TBXAS1: variants seen among roughly 807,000 people sequenced by gnomAD.
TBXAS1 encodes thromboxane A synthase 1.
A neutral mutation model predicts 60.7 loss-of-function variants in TBXAS1; 48 were observed. That is an observed-to-expected ratio of 0.79 (90% CI 0.63 to 1.01). TBXAS1 has a LOEUF of 1.01. Among genes scored for constraint, TBXAS1 ranks in the 50% least tolerant of loss-of-function variants. The probability of loss-of-function intolerance (pLI) is 0.00; values close to 1 mark genes in which losing one functional copy is unlikely to be tolerated. For missense variants in TBXAS1, 685 were observed against 686.3 expected, an observed-to-expected ratio of 1.00 and a Z score of 0.02; for synonymous variants, 287 against 269.7, an observed-to-expected ratio of 1.06 and a Z score of -0.63.
At chr7:139,936,427 C>A in intron 5 of TBXAS1, 120 bp downstream of exon 5, 1 of 981,742 alleles carries the variant, frequency 1.0e-6, no homozygotes, top group Non-Finnish European at 1.6e-6. Context: ...AATGCCTTTC[C>A]CACTGGGACC....
chr7:139,949,204 A>G (rs901733126), intron 5 of TBXAS1, among the ~76,000 whole-genome samples: 2 of 152,176 alleles, frequency 1.3e-5, no homozygotes, highest in African/African-American at 4.8e-5. Context: ...CTTTATACAC[A>G]GGGCATGCCT....
At chr7:139,984,326 T>C (rs183528576) in intron 9 of TBXAS1, among the ~76,000 whole-genome samples, 2 of 152,304 alleles carry the variant, frequency 1.3e-5, no homozygotes, top group East Asian at 3.9e-4. Flanking sequence ...TATTCCTTTT[T>C]TACAGAGCCA....
Position 139,875,608 on chromosome 7 carries a change from G to A in TBXAS1, c.207G>A (p.Glu69=). The A allele has an allele frequency of 6.2e-7, 1 of 1,614,208 alleles. No individual in the cohort carries two copies. Among genetic ancestry groups the A allele is most frequent in the Non-Finnish European group, 8.5e-7 (1 of 1,180,046 alleles). ...AGGGTTTTTGGGAAAGCCAAATGGA[G>A]CTCAGAAAGCTGTATGGACCTCTGT... ...FRQGFWESQM[E]LRKLYGPLCG... The change falls in exon 3 of 13, where the codon GAG becomes GAA. Residue 69 remains glutamate (E), a synonymous_variant. Transcript: ENST00000448866.
rs959697168 is a variant in TBXAS1 at position 139,896,279 on chromosome 7, C to A, written c.237-14946C>A. On this transcript the variant is annotated intron_variant, in intron 3 of 12. Transcript: ENST00000448866. This position sits in a 1 kb window ranked among gnomAD's most constrained non-coding sequence, Gnocchi z 4.0. The stretch of plus-strand genomic sequence containing the variant: ...CAGGTGCCACAGAAACTACAAGGAG[C>A]GAAGGGTCCATGAAGCCTTCACAAA... Among the ~76,000 whole-genome samples, 1 of 152,188 alleles carries A rather than the reference C, an allele frequency of 6.6e-6. No individual in the cohort carries two copies. The highest frequency in any genetic ancestry group is 1.9e-4 in the East Asian group (1 of 5,178).
At chr7:139,803,983 G>GT (rs1797781373) in intron 4 of TBXAS1, among the ~76,000 whole-genome samples, 1 of 152,202 alleles carries the variant, frequency 6.6e-6, no homozygotes, top group African/African-American at 2.4e-5. Context: ...CCCACATGGA[G>GT]TCCCCTCTAG....
chr7:139,950,493 A>C (rs1357991384), intron 5 of TBXAS1, among the ~76,000 whole-genome samples: 1 of 152,180 alleles, frequency 6.6e-6, no homozygotes, highest in Non-Finnish European at 1.5e-5. Context: ...CATGAGTCTC[A>C]GATGCTCTGC....
chr7:139,869,711 T>C (rs1206804125), intron 1 of TBXAS1, among the ~76,000 whole-genome samples: 1 of 152,164 alleles, frequency 6.6e-6, no homozygotes, highest in Non-Finnish European at 1.5e-5. Flanking sequence ...TCTTAACTAA[T>C]TACATTTGCA....
At position 139,955,540 on chromosome 7, in the gene TBXAS1, T is replaced by A. The variant is rs143125111; in HGVS notation, c.621T>A (p.Asp207Glu). 1.4e-4 allele frequency: 227 copies of A among 1,614,168 alleles called. No homozygotes were observed. In the African/African-American group the frequency reaches 2.6e-3, roughly 19 times the overall value. ...TPVDSWQAPE[D>E]PFVKHCKRFF... Reference sequence around the variant, plus strand: ...TGGACTCCTGGCAGGCCCCTGAGGATCCCTTTGTGAAACACTGCAAGCGTT... The same window carrying A: ...TGGACTCCTGGCAGGCCCCTGAGGAACCCTTTGTGAAACACTGCAAGCGTT... Residue 207 changes from aspartate (D) to glutamate (E), a missense_variant, in exon 7 of 13, where the codon GAT becomes GAA. Physicochemically the swap from Asp to Glu is conservative, Grantham distance 45. Coordinates refer to ENST00000448866, the MANE Select transcript of TBXAS1 (RefSeq NM_001061.7).
chr7:139,891,976 T>TA (rs1175236053), intron 3 of TBXAS1, among the ~76,000 whole-genome samples: 1 of 152,158 alleles, frequency 6.6e-6, no homozygotes, highest in East Asian at 1.9e-4. Flanking sequence ...ATTCAGTAGT[T>TA]AGCCCATCAA....
At chr7:139,847,969 G>T (rs756425047) in intron 1 of TBXAS1, among the ~76,000 whole-genome samples, 1 of 152,008 alleles carries the variant, frequency 6.6e-6, no homozygotes, top group Non-Finnish European at 1.5e-5. Flanking sequence ...CTATAGACAT[G>T]TGCCACCATG....
chr7:139,837,600 G>A (rs552019854), intron 1 of TBXAS1, among the ~76,000 whole-genome samples: 2 of 152,298 alleles, frequency 1.3e-5, no homozygotes, highest in South Asian at 4.1e-4. Flanking sequence ...TGATACGTGG[G>A]ATCTAAGCTA....
At chr7:139,984,760 G>GGAAGGA in intron 9 of TBXAS1, among the ~76,000 whole-genome samples, 1 of 78,040 alleles carries the variant, frequency 1.3e-5, no homozygotes, top group Non-Finnish European at 2.5e-5. Context: ...AAGAAAGAAA[G>GGAAGGA]AAAGCAGGAA....
At chr7:139,960,557 CCAACA>C (rs1810247417) in intron 8 of TBXAS1, among the ~76,000 whole-genome samples, 4 of 151,974 alleles carry the variant, frequency 2.6e-5, no homozygotes, top group Admixed American at 2.0e-4. Flanking sequence ...ACCAGCCTGA[CCAACA>C]TGGTGAAACC....
chr7:140,015,900 A>G (rs368451593), intron 11 of TBXAS1, 40 bp downstream of exon 11: 15 of 1,611,970 alleles, frequency 9.3e-6, no homozygotes, highest in African/African-American at 1.3e-5. Context: ...AAGGGATGTG[A>G]GTGTGTGGGA....
intron 9 of TBXAS1, among the ~76,000 whole-genome samples, chr7:139,992,581 G>A (rs1050932045): frequency 1.3e-5 from 2 of 152,228 alleles, no homozygotes; most frequent in African/African-American, 4.8e-5. Context: ...GGCTGAAATA[G>A]CATCAGGTGG....
chr7:139,865,242 C>T lies in TBXAS1; in HGVS notation c.90-6993C>T, dbSNP rs1161955970. Among the ~76,000 whole-genome samples, 3 of 152,124 alleles carry T rather than the reference C, an allele frequency of 2.0e-5. No individual in the cohort carries two copies. The East Asian group carries it at 5.8e-4, about 29-fold the overall frequency. ...TAAAATCTGTATTGCACCATTTCCC[C>T]ACCAACCCTTCAGGAACATCTGCCT... is the stretch of plus-strand genomic sequence containing the variant. On this transcript the variant is annotated intron_variant, in intron 1 of 12. Transcript: ENST00000448866.
At position 140,015,407 on chromosome 7, in the gene TBXAS1, G is replaced by A. The variant is rs552468385; in HGVS notation, c.1227-316G>A. ...ATCCTTCCAAAGCAGTTTGCACCCC[G>A]ACATGGGGCACAAGAGGGGCCCTTT... On this transcript the variant is annotated intron_variant, in intron 10 of 12. Transcript: ENST00000448866. Among the ~76,000 whole-genome samples, 15 of 152,306 alleles carry A rather than the reference G, an allele frequency of 9.8e-5. No individual in the cohort carries two copies. The South Asian group carries it at 2.5e-3, about 25-fold the overall frequency.
chr7:139,976,027 CT>C (rs1177639596), intron 9 of TBXAS1, among the ~76,000 whole-genome samples: 1 of 152,236 alleles, frequency 6.6e-6, no homozygotes, highest in Non-Finnish European at 1.5e-5. Flanking sequence ...CCATTCCAGG[CT>C]TTCTCTTTGG....
At chr7:140,011,836 C>CTATA (rs3831720) in intron 10 of TBXAS1, among the ~76,000 whole-genome samples, 1,543 of 150,500 alleles carry the variant, frequency 0.01, 23 homozygotes, top group African/African-American at 0.034. Flanking sequence ...ATTTTATGTT[C>CTATA]TATATATATA....
Sources: allele counts gnomAD v4.1 joint callset (sites outside exome capture counted in the v4.1 genomes callset), GRCh38; gene constraint gnomAD v4.1.1; non-coding constraint Gnocchi (gnomAD v3.1); transcripts MANE v1.5; gene names NCBI Gene and HGNC (gene_info 2026-07-23, HGNC 2026-07-21).